Variants in IGF1R observed in about 807,000 individuals in gnomAD.
IGF1R encodes insulin-like growth factor 1 receptor.
In IGF1R, 44 loss-of-function variants were observed where a neutral mutation model predicts 144.6. The ratio of observed to expected loss-of-function variants is 0.30; its 90% CI spans 0.24 to 0.39. The LOEUF is 0.39. Among genes scored for constraint, IGF1R ranks in the 10% least tolerant of loss-of-function variants. The probability of loss-of-function intolerance (pLI) is 1.00; values close to 1 mark genes in which losing one functional copy is unlikely to be tolerated. For synonymous variants in IGF1R, 795 were observed against 722.8 expected, an observed-to-expected ratio of 1.10 and a Z score of -1.60; for missense variants, 1,355 against 1,833.7, an observed-to-expected ratio of 0.74 and a Z score of 4.77.
chr15:98,871,490 A>G (rs978272269), intron 2 of IGF1R, among the ~76,000 whole-genome samples: 2 of 152,236 alleles, frequency 1.3e-5, no homozygotes, highest in African/African-American at 4.8e-5. Flanking sequence ...TGCTACGTCC[A>G]GAGAGTTTTC....
intron 2 of IGF1R, among the ~76,000 whole-genome samples, chr15:98,876,189 A>G (rs560718188): frequency 6.6e-6 from 1 of 152,284 alleles, no homozygotes; most frequent in East Asian, 1.9e-4. Flanking sequence ...CTGGAAGGCC[A>G]TCTCCATTGG....
intron 2 of IGF1R, among the ~76,000 whole-genome samples, chr15:98,761,863 A>T (rs2048639): frequency 0.055 from 8,389 of 152,318 alleles, 274 homozygotes; most frequent in East Asian, 0.12. Flanking sequence ...CAAGTGCCAG[A>T]CAACCCTTCT....
intron 2 of IGF1R, among the ~76,000 whole-genome samples, chr15:98,796,654 T>G (rs1396173278): frequency 6.6e-6 from 1 of 152,182 alleles, no homozygotes; most frequent in Non-Finnish European, 1.5e-5. Context: ...TAATCTGGAT[T>G]TTGCCACAGC....
At chr15:98,740,030 C>T (rs1347411546) in intron 2 of IGF1R, among the ~76,000 whole-genome samples, 1 of 152,226 alleles carries the variant, frequency 6.6e-6, no homozygotes, top group Non-Finnish European at 1.5e-5. Context: ...GTGAAGAACT[C>T]TGCGTGTTGA....
At chr15:98,751,405 G>A (rs570985461) in intron 2 of IGF1R, among the ~76,000 whole-genome samples, 1 of 151,824 alleles carries the variant, frequency 6.6e-6, no homozygotes, top group African/African-American at 2.4e-5. Flanking sequence ...GTGATGCCTC[G>A]CCATGTTGCC....
chr15:98,712,359 C>T (rs1192739684), intron 2 of IGF1R, among the ~76,000 whole-genome samples: 2 of 152,166 alleles, frequency 1.3e-5, no homozygotes, highest in Non-Finnish European at 2.9e-5. Context: ...TCACTTTTGC[C>T]TATTTTTTTT....
chr15:98,723,931 C>T (rs1459856159), intron 2 of IGF1R, among the ~76,000 whole-genome samples: 1 of 152,116 alleles, frequency 6.6e-6, no homozygotes, highest in African/African-American at 2.4e-5. Context: ...GCCCAGAAGC[C>T]AGAAGGTTTC....
intron 2 of IGF1R, among the ~76,000 whole-genome samples, chr15:98,752,455 G>T (rs548272487): frequency 1.3e-5 from 2 of 152,096 alleles, no homozygotes; most frequent in Non-Finnish European, 2.9e-5. Context: ...AGGCCGAGGC[G>T]GGTGGATCAC....
intron 2 of IGF1R, among the ~76,000 whole-genome samples, chr15:98,821,291 CCCT>C (rs1567145797): frequency 4.6e-5 from 7 of 151,698 alleles, no homozygotes; most frequent in African/African-American, 1.7e-4. Context: ...CCTCCCCCCC[CCCT>C]TTTTAAACTG....
chr15:98,650,911 G>C (rs1417131151), intron 1 of IGF1R: 2 of 984,896 alleles, frequency 2.0e-6, no homozygotes, highest in African/African-American at 3.5e-5. Flanking sequence ...GCGGGGATGC[G>C]GGGAGCGAGA....
At chr15:98,748,910 T>C (rs1430339509) in intron 2 of IGF1R, among the ~76,000 whole-genome samples, 2 of 152,234 alleles carry the variant, frequency 1.3e-5, no homozygotes, top group Non-Finnish European at 2.9e-5. Flanking sequence ...GGAGGTACTA[T>C]GTAAGCTACA....
At chr15:98,673,938 T>C (rs769994923) in intron 1 of IGF1R, among the ~76,000 whole-genome samples, 19 of 152,208 alleles carry the variant, frequency 1.2e-4, no homozygotes, top group Non-Finnish European at 2.4e-4. Flanking sequence ...GAAAAAGATT[T>C]GGAAAAAATG....
chr15:98,819,034 T>C (rs8030473), intron 2 of IGF1R, among the ~76,000 whole-genome samples: 144,503 of 152,182 alleles, frequency 0.95, 68,728 homozygotes, highest in Admixed American at 0.98. Flanking sequence ...GGAGGAGCAG[T>C]GTAGTTTGGG....
At chr15:98,811,541 A>T (rs2056590092) in intron 2 of IGF1R, among the ~76,000 whole-genome samples, 1 of 150,980 alleles carries the variant, frequency 6.6e-6, no homozygotes, top group Non-Finnish European at 1.5e-5. Flanking sequence ...AAAAAAAAAA[A>T]AAAGTTATTT....
intron 2 of IGF1R, among the ~76,000 whole-genome samples, chr15:98,881,194 ACACCTCT>A (rs1278027115): frequency 6.6e-6 from 1 of 152,228 alleles, no homozygotes; most frequent in Non-Finnish European, 1.5e-5. Flanking sequence ...TCTAAGTGAT[ACACCTCT>A]TAGTGTGGCG....
chr15:98,828,431 A>G (rs2056937161), intron 2 of IGF1R, among the ~76,000 whole-genome samples: 1 of 152,014 alleles, frequency 6.6e-6, no homozygotes, highest in Non-Finnish European at 1.5e-5. Flanking sequence ...ACAGAGAGGT[A>G]GGGCAAGATA....
intron 2 of IGF1R, among the ~76,000 whole-genome samples, chr15:98,826,814 TTTGTTG>T (rs2141490728): frequency 6.6e-6 from 1 of 152,370 alleles, no homozygotes; most frequent in East Asian, 1.9e-4. Context: ...AGTGCTGTAT[TTTGTTG>T]CTGACAAGTA....
intron 1 of IGF1R, among the ~76,000 whole-genome samples, chr15:98,667,832 A>C (rs1447233169): frequency 1.3e-5 from 2 of 150,908 alleles, no homozygotes; most frequent in South Asian, 2.1e-4. Flanking sequence ...CCGAATGACC[A>C]CTCTCATCCT....
chr15:98,892,442 G>A (rs1363559234), intron 3 of IGF1R, among the ~76,000 whole-genome samples: 2 of 145,612 alleles, frequency 1.4e-5, no homozygotes, highest in African/African-American at 5.2e-5. Flanking sequence ...CAGGAGAATT[G>A]CTTGAACCTG....
Sources: allele counts gnomAD v4.1 joint callset (sites outside exome capture counted in the v4.1 genomes callset), GRCh38; gene constraint gnomAD v4.1.1; transcripts MANE v1.5; gene names NCBI Gene and HGNC (gene_info 2026-07-23, HGNC 2026-07-21).